DOCK9: variants seen among roughly 807,000 people sequenced by gnomAD.
The protein encoded by DOCK9 is dedicator of cytokinesis protein 9.
In DOCK9, 89 loss-of-function variants were observed where a neutral mutation model predicts 263.3. That is an observed-to-expected ratio of 0.34 (90% CI 0.28 to 0.40). DOCK9 has a LOEUF of 0.40. Ranked by LOEUF, DOCK9 falls within the 10% of genes least tolerant of loss-of-function variation. The pLI is 1.00. For synonymous variants in DOCK9, 976 were observed against 973.1 expected (o/e 1.00, Z -0.06); for missense variants, 2,140 against 2,603.4 (o/e 0.82, Z 3.87).
intron 7 of DOCK9, among the ~76,000 whole-genome samples, chr13:98,916,035 G>GT (rs929265716): frequency 6.6e-6 from 1 of 152,116 alleles, no homozygotes; most frequent in African/African-American, 2.4e-5. Context: ...ATCCCAAAAG[G>GT]TATTTGGACT....
intron 1 of DOCK9, among the ~76,000 whole-genome samples, chr13:98,975,237 G>A (rs1369645486): frequency 6.6e-6 from 1 of 151,876 alleles, no homozygotes; most frequent in Non-Finnish European, 1.5e-5. Context: ...AAATTAGCTG[G>A]GCATGGTGGC....
intron 1 of DOCK9, among the ~76,000 whole-genome samples, chr13:99,009,826 C>T (rs1886554): frequency 0.21 from 31,612 of 151,900 alleles, 3,886 homozygotes; most frequent in East Asian, 0.43. Context: ...TTTTCATAGC[C>T]GGTAGGTTTT....
chr13:98,873,885 T>G (rs2094255192), intron 27 of DOCK9, among the ~76,000 whole-genome samples: 1 of 152,198 alleles, frequency 6.6e-6, no homozygotes, highest in South Asian at 2.1e-4. Context: ...CCTTCCCTGG[T>G]AAACCAAGCC....
In DOCK9 at chr13:99,071,313, T is replaced by C. The variant is rs1223311622; in HGVS notation, c.129+14910A>G. Among the ~76,000 whole-genome samples, 43 of 129,590 alleles carry C rather than the reference T, an allele frequency of 3.3e-4. No individual in the cohort carries two copies. In the East Asian group the frequency reaches 8.6e-3, roughly 26 times the overall value. The allele number at this position is 129,590 out of a possible 152,430, so 85.0% of individuals were successfully genotyped here. ...GCTTGCCACCATGCCTGGCTTTTTT[T>C]TTTTTTTTTTTTTTTTTTTGCCATG... On this transcript the variant is annotated intron_variant, in intron 1 of 32. Transcript: ENST00000427887.
intron 27 of DOCK9, among the ~76,000 whole-genome samples, chr13:98,872,967 C>A (rs577320924): frequency 3.9e-5 from 6 of 152,228 alleles, no homozygotes; most frequent in African/African-American, 1.4e-4. Context: ...GGAAAGGAAG[C>A]TGCAGCAGGC....
intron 3 of DOCK9, among the ~76,000 whole-genome samples, chr13:98,926,304 C>A (rs531088074): frequency 3.9e-5 from 6 of 152,290 alleles, no homozygotes; most frequent in African/African-American, 1.4e-4. Context: ...AACTTAAAGA[C>A]GCCTTCATGG....
At chr13:98,879,740 AAAGCGTTGTTATG>A (rs1210775145) in intron 27 of DOCK9, among the ~76,000 whole-genome samples, 145 bp downstream of exon 27, 2 of 152,228 alleles carry the variant, frequency 1.3e-5, no homozygotes, top group African/African-American at 4.8e-5. Flanking sequence ...TACTTTCCTC[AAAGCGTTGTTATG>A]AAGCTAAAAT....
intron 44 of DOCK9, 146 bp from the exon 45 acceptor site, chr13:98,824,650 G>C: frequency 1.5e-6 from 1 of 668,880 alleles, no homozygotes. Flanking sequence ...ATTCACGGGG[G>C]TACCTGGGGC....
intron 45 of DOCK9, among the ~76,000 whole-genome samples, chr13:98,824,156 C>A (rs1452272913): frequency 6.6e-6 from 1 of 152,240 alleles, no homozygotes; most frequent in East Asian, 1.9e-4. Flanking sequence ...CTGAGCCTCA[C>A]TTCATTACAA....
At chr13:98,831,290 C>T (rs2092752564) in intron 41 of DOCK9, 58 bp downstream of exon 41, 1 of 1,505,302 alleles carries the variant, frequency 6.6e-7, no homozygotes, top group Non-Finnish European at 9.0e-7. Context: ...TCAAAGTTTT[C>T]CTGATACAGC....
chr13:98,950,866 A>AGT (rs905613375), intron 2 of DOCK9, among the ~76,000 whole-genome samples: 1 of 152,236 alleles, frequency 6.6e-6, no homozygotes, highest in African/African-American at 2.4e-5. Flanking sequence ...CCCCACCAAC[A>AGT]GGACCATCTG....
intron 1 of DOCK9, among the ~76,000 whole-genome samples, chr13:98,977,154 T>C (rs942445708): frequency 2.6e-5 from 4 of 152,110 alleles, no homozygotes; most frequent in African/African-American, 9.7e-5. Flanking sequence ...TTCACATTCC[T>C]CCCCTCCAAA....
At chr13:99,027,973 C>T (rs1475997955) in intron 1 of DOCK9, among the ~76,000 whole-genome samples, 1 of 152,230 alleles carries the variant, frequency 6.6e-6, no homozygotes, top group Non-Finnish European at 1.5e-5. Flanking sequence ...AGTTCTGTCT[C>T]ACACAACACA....
chr13:99,013,869 G>T (rs534918058), intron 1 of DOCK9, among the ~76,000 whole-genome samples: 27 of 152,338 alleles, frequency 1.8e-4, no homozygotes, highest in Admixed American at 3.9e-4. Flanking sequence ...GGGCCACTCT[G>T]CTGCGTGCAG....
At chr13:98,925,993 T>C (rs2052888341) in intron 3 of DOCK9, 74 bp from the exon 4 acceptor site, 1 of 1,283,338 alleles carries the variant, frequency 7.8e-7, no homozygotes, top group South Asian at 1.4e-5. Flanking sequence ...CTTGGGAAAG[T>C]TTGTGAAGGC....
At chr13:98,895,006 C>T (rs1344817017) in intron 15 of DOCK9, among the ~76,000 whole-genome samples, 3 of 145,680 alleles carry the variant, frequency 2.1e-5, no homozygotes, top group Admixed American at 1.4e-4. Context: ...TGGCAGCATG[C>T]GCTACTCAGC....
intron 1 of DOCK9, among the ~76,000 whole-genome samples, chr13:98,963,845 C>T (rs191664825): frequency 6.6e-6 from 1 of 152,216 alleles, no homozygotes; most frequent in Non-Finnish European, 1.5e-5. Flanking sequence ...TCTGAAGCCA[C>T]GTGCTCACAA....
At chr13:98,951,732 T>C (rs2057431247) in intron 2 of DOCK9, among the ~76,000 whole-genome samples, 1 of 152,138 alleles carries the variant, frequency 6.6e-6, no homozygotes, top group South Asian at 2.1e-4. Context: ...GAAGAGAAGA[T>C]GCTGCTGGCA....
chr13:98,868,220 G>T lies in DOCK9; in HGVS notation c.3090+11C>A. ...CCCATAACTGATATCCTCTTCCCTG[G>T]AGGTCCCCACCTTGATGAAGACAGC... On this transcript the variant is annotated intron_variant, in intron 28 of 52. Coordinates refer to ENST00000682017, the MANE Select transcript of DOCK9 (RefSeq NM_001366683.2). 1 of 1,613,466 alleles carries T rather than the reference G, an allele frequency of 6.2e-7. No individual in the cohort carries two copies. The highest frequency in any genetic ancestry group is 8.5e-7 in the Non-Finnish European group (1 of 1,179,672).
Sources: allele counts gnomAD v4.1 joint callset (sites outside exome capture counted in the v4.1 genomes callset), GRCh38; gene constraint gnomAD v4.1.1; transcripts MANE v1.5; gene names NCBI Gene and HGNC (gene_info 2026-07-23, HGNC 2026-07-21).